Variants in GIMAP4 observed in about 807,000 individuals in gnomAD.
GIMAP4 encodes the protein GTPase IMAP family member 4.
A neutral mutation model predicts 10.8 loss-of-function variants in GIMAP4; 12 were observed. That is an observed-to-expected ratio of 1.11 (90% CI 0.71 to 1.81). The LOEUF is 1.81. Among genes scored for constraint, GIMAP4 ranks in the 40% most tolerant of loss-of-function variants. GIMAP4 has a pLI of 0.00. For synonymous variants in GIMAP4, 149 were observed against 147.2 expected (o/e 1.01, Z -0.09); for missense variants, 412 against 404.6 (o/e 1.02, Z -0.16).
At chr7:150,568,673 A>G (rs1255999934) in intron 1 of GIMAP4, among the ~76,000 whole-genome samples, 1 of 152,210 alleles carries the variant, frequency 6.6e-6, no homozygotes, top group Non-Finnish European at 1.5e-5. Context: ...TTATTTAACA[A>G]TGATCGATAA....
intron 2 of GIMAP4, among the ~76,000 whole-genome samples, chr7:150,571,602 G>A (rs1026001924): frequency 6.6e-6 from 1 of 152,042 alleles, no homozygotes; most frequent in Non-Finnish European, 1.5e-5. Context: ...TCAACATGGC[G>A]AAACCCCGTC....
chr7:150,569,916 C>T lies in GIMAP4; in HGVS notation c.15C>T (p.Tyr5=), dbSNP rs765204405. MAAQ[Y]GSMSFNPSTP... Reference sequence around the variant, plus strand: ...TTCAAGCGACAATGGCAGCCCAATACGGCAGTATGAGCTTCAACCCCAGCA... The same window carrying T: ...TTCAAGCGACAATGGCAGCCCAATATGGCAGTATGAGCTTCAACCCCAGCA... Residue 5 remains tyrosine, a synonymous_variant, in exon 2 of 3, where the codon TAC becomes TAT. Coordinates refer to ENST00000255945, the MANE Select transcript of GIMAP4 (RefSeq NM_018326.3). 2.8e-5 allele frequency: 44 copies of T among 1,581,558 alleles called. No individual in the cohort carries two copies. The highest frequency in any genetic ancestry group is 1.7e-4 in the Middle Eastern group (1 of 6,024).
Position 150,568,304 on chromosome 7 carries a change from A to T in GIMAP4, c.-15+867A>T, listed in dbSNP as rs73471372. Among the ~76,000 whole-genome samples the T allele has an allele frequency of 2.4e-3, 363 of 152,226 alleles. 2 individuals are homozygous for T. The highest frequency in any genetic ancestry group is 8.4e-3 in the African/African-American group (350 of 41,508). Reference sequence around the variant, plus strand: ...AAATGCCATGATTTCTCTTGTTTACAAGAAGCTGTTTCCTATACCCTATTC... The same window carrying T: ...AAATGCCATGATTTCTCTTGTTTACTAGAAGCTGTTTCCTATACCCTATTC... On this transcript the variant is annotated intron_variant, in intron 1 of 2. Transcript: ENST00000255945.
intron 2 of GIMAP4, among the ~76,000 whole-genome samples, chr7:150,571,475 G>A (rs1275394549): frequency 1.3e-5 from 2 of 152,078 alleles, no homozygotes; most frequent in Non-Finnish European, 2.9e-5. Context: ...CTCCCTGCAC[G>A]ACCTTATTTA....
At chr7:150,569,690 T>C (rs902198583) in intron 1 of GIMAP4, among the ~76,000 whole-genome samples, 198 bp from the exon 2 acceptor site, 3 of 152,174 alleles carry the variant, frequency 2.0e-5, no homozygotes, top group African/African-American at 2.4e-5. Flanking sequence ...GAAGCATTTA[T>C]GTTTGTGTAA....
At chr7:150,570,488 C>T (rs1266256283) in intron 2 of GIMAP4, among the ~76,000 whole-genome samples, 3 of 152,182 alleles carry the variant, frequency 2.0e-5, no homozygotes, top group African/African-American at 4.8e-5. Context: ...TAGAAATTGA[C>T]TATATCAGTT....
chr7:150,570,033 G>GCCA, intron 2 of GIMAP4, 74 bp downstream of exon 2: 1 of 400,948 alleles, frequency 2.5e-6, no homozygotes, highest in Non-Finnish European at 4.9e-6. Flanking sequence ...ATTTGGGGGG[G>GCCA]AATAGGGGTG....
chr7:150,569,992 C>A, intron 2 of GIMAP4, 33 bp downstream of exon 2: 2 of 1,075,778 alleles, frequency 1.9e-6, no homozygotes, highest in Non-Finnish European at 2.6e-6. Context: ...CCAGACCAGG[C>A]TGCAGGGAGG....
At chr7:150,568,638 A>G (rs1236178546) in intron 1 of GIMAP4, among the ~76,000 whole-genome samples, 2 of 152,254 alleles carry the variant, frequency 1.3e-5, no homozygotes, top group Non-Finnish European at 2.9e-5. Flanking sequence ...ATCAAAGGCA[A>G]GAAGCAGGGA....
chr7:150,572,463 C>A lies in GIMAP4; in HGVS notation c.393C>A (p.His131Gln). ...TGGGCCGTTACACTGAGGAAGAGCA[C>A]AAAGCCACAGAGAAGATCCTGAAAA... ...VPLGRYTEEE[H>Q]KATEKILKMF... Residue 131 changes from histidine (H) to glutamine (Q), a missense_variant, in exon 3 of 3, where the codon CAC (histidine) becomes CAA (glutamine). By Grantham distance (24) the His-to-Gln change is conservative. Coordinates refer to ENST00000255945, the MANE Select transcript of GIMAP4 (RefSeq NM_018326.3). 6.2e-7 allele frequency: 1 copy of A among 1,614,054 alleles called. No homozygotes were observed. The highest frequency in any genetic ancestry group is 8.5e-7 in the Non-Finnish European group (1 of 1,179,926).
intron 1 of GIMAP4, among the ~76,000 whole-genome samples, chr7:150,568,049 A>G (rs909270863): frequency 6.6e-6 from 1 of 152,150 alleles, no homozygotes; most frequent in African/African-American, 2.4e-5. Flanking sequence ...CCTTAGGCAG[A>G]GAGAGGAGAA....
At chr7:150,570,324 C>G (rs967881067) in intron 2 of GIMAP4, among the ~76,000 whole-genome samples, 1 of 152,074 alleles carries the variant, frequency 6.6e-6, no homozygotes, top group African/African-American at 2.4e-5. Context: ...CTTTCTTCAG[C>G]CTGGAGGAGA....
intron 1 of GIMAP4, among the ~76,000 whole-genome samples, chr7:150,569,683 GC>G (rs1795706048): frequency 6.6e-6 from 1 of 152,162 alleles, no homozygotes; most frequent in African/African-American, 2.4e-5. Flanking sequence ...AGCACTGGAA[GC>G]ATTTATGTTT....
intron 1 of GIMAP4, among the ~76,000 whole-genome samples, chr7:150,568,348 G>GACAT (rs879653648): frequency 0.017 from 1,813 of 105,964 alleles, 14 homozygotes; most frequent in Admixed American, 0.022. Context: ...TAAAGAAATA[G>GACAT]TCATTCAAAA....
intron 1 of GIMAP4, 141 bp from the exon 2 acceptor site, chr7:150,569,747 G>C: frequency 1.7e-6 from 1 of 585,038 alleles, no homozygotes; most frequent in Non-Finnish European, 3.1e-6. Context: ...GAGGGTTGAG[G>C]AGACTTTTGG....
At chr7:150,571,817 G>A (rs1795731757) in intron 2 of GIMAP4, among the ~76,000 whole-genome samples, 1 of 152,118 alleles carries the variant, frequency 6.6e-6, no homozygotes, top group African/African-American at 2.4e-5. Flanking sequence ...AGCTATTATT[G>A]GCAGCTCATA....
rs1795766252 is a variant in GIMAP4, at chr7:150,573,724, A to G, written c.*664A>G. 6.6e-6 allele frequency: 1 copy of G among 152,230 alleles called. No homozygotes were observed. The highest frequency in any genetic ancestry group is 6.5e-5 in the Admixed American group (1 of 15,280). The allele number at this position is 152,230 out of a possible 1,614,324, so 9.4% of individuals were successfully genotyped here. ...CAGCAATTCAACAGATAATAGAGCA[A>G]TGTTTAGTATATTCAGCTGTATCTG... On this transcript the variant is annotated 3_prime_UTR_variant, in exon 3 of 3. Coordinates refer to ENST00000255945, the MANE Select transcript of GIMAP4 (RefSeq NM_018326.3).
In GIMAP4 at chr7:150,572,273, AGT is replaced by A. The variant is rs748988423; in HGVS notation, c.207_208del (p.Cys69Ter). 3 of 1,614,086 alleles carry A rather than the reference AGT, an allele frequency of 1.9e-6. No individual in the cohort carries two copies. Among genetic ancestry groups the A allele is most frequent in the Non-Finnish European group, 2.5e-6 (3 of 1,180,034 alleles). Reference sequence around the variant, plus strand: ...ACTGCAGCAAAATCCATTACCAAGAAGTGTGAGAAACGCAGCAGCTCATGGAA... The same window carrying A: ...ACTGCAGCAAAATCCATTACCAAGAAGTGAGAAACGCAGCAGCTCATGGAA... On this transcript the variant is annotated frameshift_variant, in exon 3 of 3. Coordinates refer to ENST00000255945, the MANE Select transcript of GIMAP4 (RefSeq NM_018326.3). LOFTEE classifies it high-confidence loss of function.
At chr7:150,568,029 G>A (rs1463978965) in intron 1 of GIMAP4, among the ~76,000 whole-genome samples, 2 of 152,160 alleles carry the variant, frequency 1.3e-5, no homozygotes, top group Non-Finnish European at 2.9e-5. Context: ...GATGCTGATG[G>A]GTGCTTGTTC....
Sources: allele counts gnomAD v4.1 joint callset (sites outside exome capture counted in the v4.1 genomes callset), GRCh38; gene constraint gnomAD v4.1.1; transcripts MANE v1.5; gene names NCBI Gene and HGNC (gene_info 2026-07-23, HGNC 2026-07-21).